GRID2: variants seen among roughly 807,000 people sequenced by gnomAD.
GRID2 encodes glutamate receptor ionotropic, delta-2.
Under a neutral mutation model 114.8 loss-of-function variants are expected in GRID2, and 33 were observed. The ratio of observed to expected loss-of-function variants is 0.29; its 90% CI spans 0.22 to 0.38. The LOEUF is 0.38. Ranked by LOEUF, GRID2 falls within the 10% of genes least tolerant of loss-of-function variation. The pLI is 1.00. For synonymous variants in GRID2, 505 were observed against 449.9 expected (o/e 1.12, Z -1.55); for missense variants, 1,184 against 1,257.7 (o/e 0.94, Z 0.89).
At chr4:92,764,487 G>A (rs1738167013) in intron 2 of GRID2, among the ~76,000 whole-genome samples, 1 of 152,082 alleles carries the variant, frequency 6.6e-6, no homozygotes, top group Non-Finnish European at 1.5e-5. Context: ...ACAGTTGGCT[G>A]CCCACCCTAC....
intron 14 of GRID2, among the ~76,000 whole-genome samples, chr4:93,711,453 A>G (rs1384209741): frequency 1.3e-5 from 2 of 152,174 alleles, no homozygotes; most frequent in East Asian, 3.8e-4. Context: ...CCAAGTTGCA[A>G]GACAAAGTCC....
intron 2 of GRID2, among the ~76,000 whole-genome samples, chr4:92,837,254 G>C (rs2149405417): frequency 6.6e-6 from 1 of 152,082 alleles, no homozygotes. Flanking sequence ...TCAGTTCTTT[G>C]ATACTTTTTA....
At chr4:93,105,472 A>C (rs1256961033) in intron 3 of GRID2, among the ~76,000 whole-genome samples, 2 of 152,078 alleles carry the variant, frequency 1.3e-5, no homozygotes, top group African/African-American at 2.4e-5. Context: ...TCCATCTTGA[A>C]TTAATTTTTG....
chr4:93,351,165 G>A (rs1042211874), intron 8 of GRID2, among the ~76,000 whole-genome samples: 10 of 152,082 alleles, frequency 6.6e-5, no homozygotes, highest in Admixed American at 2.0e-4. Flanking sequence ...TGGGGACACA[G>A]CCAAACCGTA....
At chr4:92,862,969 C>T (rs1050902527) in intron 2 of GRID2, among the ~76,000 whole-genome samples, 16 of 151,988 alleles carry the variant, frequency 1.1e-4, no homozygotes, top group Non-Finnish European at 1.9e-4. Flanking sequence ...TCATTATTTA[C>T]CAGTAATTAT....
intron 2 of GRID2, chr4:92,702,643 C>T (rs1427191919): frequency 1.3e-5 from 2 of 151,672 alleles, no homozygotes; most frequent in African/African-American, 4.8e-5. Flanking sequence ...ATTTCAGCCT[C>T]CTATTTATTC....
chr4:93,134,807 T>C (rs931583491), intron 4 of GRID2, among the ~76,000 whole-genome samples: 2 of 152,180 alleles, frequency 1.3e-5, no homozygotes, highest in African/African-American at 4.8e-5. Context: ...TCACCAATTC[T>C]ACCCAGTGGC....
At chr4:92,956,806 C>T (rs59397241) in intron 2 of GRID2, among the ~76,000 whole-genome samples, 1 of 152,154 alleles carries the variant, frequency 6.6e-6, no homozygotes, top group Non-Finnish European at 1.5e-5. Flanking sequence ...TTCACATCCT[C>T]CCCAGCATTT....
chr4:92,453,341 G>A (rs1159081031), intron 1 of GRID2, among the ~76,000 whole-genome samples: 1 of 152,112 alleles, frequency 6.6e-6, no homozygotes, highest in Non-Finnish European at 1.5e-5. Flanking sequence ...CCTGTCAGAG[G>A]AGTATTACAT....
chr4:93,512,019 T>C (rs1729242203), intron 12 of GRID2, among the ~76,000 whole-genome samples: 1 of 152,054 alleles, frequency 6.6e-6, no homozygotes, highest in Admixed American at 6.6e-5. Context: ...ACTCCTGACC[T>C]CAAGTGATCC....
At chr4:92,518,589 A>C (rs1724619269) in intron 1 of GRID2, among the ~76,000 whole-genome samples, 1 of 151,784 alleles carries the variant, frequency 6.6e-6, no homozygotes, top group African/African-American at 2.4e-5. Context: ...ATAGAGTTTC[A>C]GTTTTGCAAG....
chr4:92,862,664 T>A (rs1346144186), intron 2 of GRID2, among the ~76,000 whole-genome samples: 4 of 152,112 alleles, frequency 2.6e-5, no homozygotes, highest in Non-Finnish European at 5.9e-5. Context: ...AAGTAAAAGT[T>A]TTCTGGTACT....
At chr4:93,399,305 T>G (rs559131597) in intron 9 of GRID2, among the ~76,000 whole-genome samples, 1 of 152,230 alleles carries the variant, frequency 6.6e-6, no homozygotes, top group Admixed American at 6.6e-5. Context: ...TACACCAGGT[T>G]AATAAAATGG....
intron 2 of GRID2, among the ~76,000 whole-genome samples, chr4:92,978,179 A>G (rs529467879): frequency 7.2e-5 from 11 of 152,310 alleles, no homozygotes; most frequent in African/African-American, 2.6e-4. Flanking sequence ...GTGTTGGAGG[A>G]AACCAAGACG....
chr4:93,425,136 AC>A (rs1231862955), intron 10 of GRID2, among the ~76,000 whole-genome samples: 1 of 152,174 alleles, frequency 6.6e-6, no homozygotes, highest in African/African-American at 2.4e-5. Flanking sequence ...TAAAATTTCA[AC>A]ATCTTATCAT....
intron 8 of GRID2, among the ~76,000 whole-genome samples, chr4:93,251,230 G>A (rs1748885465): frequency 6.6e-6 from 1 of 152,138 alleles, no homozygotes. Context: ...TTTATCAGAA[G>A]TGTGCAAGTA....
At chr4:93,577,722 T>G (rs1374626129) in intron 13 of GRID2, among the ~76,000 whole-genome samples, 1 of 152,214 alleles carries the variant, frequency 6.6e-6, no homozygotes, top group Non-Finnish European at 1.5e-5. Flanking sequence ...TCAAGTCTTC[T>G]GTACTCCCCT....
intron 8 of GRID2, among the ~76,000 whole-genome samples, chr4:93,252,708 G>A (rs1749104609): frequency 6.6e-6 from 1 of 152,090 alleles, no homozygotes; most frequent in African/African-American, 2.4e-5. Flanking sequence ...AGCATGGAAT[G>A]TTTTTCCATT....
At chr4:92,313,758 C>T (rs1314805355) in intron 1 of GRID2, among the ~76,000 whole-genome samples, 1 of 151,994 alleles carries the variant, frequency 6.6e-6, no homozygotes, top group Non-Finnish European at 1.5e-5. Context: ...GATTTGATTG[C>T]TGGGCTTGAA....
Sources: allele counts gnomAD v4.1 joint callset (sites outside exome capture counted in the v4.1 genomes callset), GRCh38; gene constraint gnomAD v4.1.1; transcripts MANE v1.5; gene names NCBI Gene and HGNC (gene_info 2026-07-23, HGNC 2026-07-21).